The following IGDCC4 variants were observed in gnomAD, a reference collection of about 807,000 sequenced individuals.
IGDCC4 encodes immunoglobulin superfamily DCC subclass member 4.
In IGDCC4, 72 loss-of-function variants were observed where a neutral mutation model predicts 116.6. That is an observed-to-expected ratio of 0.62 (90% CI 0.51 to 0.75). The LOEUF is 0.75. Among genes scored for constraint, IGDCC4 ranks in the 30% least tolerant of loss-of-function variants. The pLI is 0.00. For missense variants in IGDCC4, 1,501 were observed against 1,662.4 expected (o/e 0.90, Z 1.69); for synonymous variants, 709 against 719.9 (o/e 0.98, Z 0.24).
intron 3 of IGDCC4, among the ~76,000 whole-genome samples, chr15:65,408,084 T>A (rs1372295411): frequency 1.3e-5 from 2 of 152,194 alleles, no homozygotes; most frequent in East Asian, 3.8e-4. Context: ...ATATGAATTT[T>A]AAAAATGCAT....
chr15:65,398,553 A>AAAAG lies in IGDCC4; in HGVS notation c.842-1568_842-1565dup, dbSNP rs1190685417. Among the ~76,000 whole-genome samples the AAAAG allele has an allele frequency of 4.8e-3, 601 of 124,172 alleles. 9 individuals carry two copies. The highest frequency in any genetic ancestry group is 8.6e-3 in the East Asian group (34 of 3,942). The allele number at this position is 124,172 out of a possible 152,430, so 81.5% of individuals were successfully genotyped here. A position where few individuals can be genotyped will look rare whatever the true frequency, so the allele number is the denominator to read the frequency against. On this transcript the variant is annotated intron_variant, in intron 5 of 19. Transcript: ENST00000352385. ...CATCTCAAAAAAAAAAAAAAAAAAAAAAAGAAAGAAAAGAAAAGAGAGAGA... is the reference window on the plus strand; with the variant it reads ...CATCTCAAAAAAAAAAAAAAAAAAAAAAAGAAAGAAAGAAAAGAAAAGAGAGAGA...
chr15:65,396,320 C>T (rs1398474433), intron 6 of IGDCC4, 157 bp from the exon 7 acceptor site: 4 of 808,088 alleles, frequency 4.9e-6, no homozygotes, highest in South Asian at 2.9e-5. Context: ...TACTCCGGCT[C>T]AGCGCAGACC....
intron 5 of IGDCC4, among the ~76,000 whole-genome samples, chr15:65,397,472 G>A (rs1293133497): frequency 6.6e-6 from 1 of 152,174 alleles, no homozygotes; most frequent in African/African-American, 2.4e-5. Flanking sequence ...ATCTAGAGAA[G>A]CAATGCAAAT....
At chr15:65,387,249 A>G (rs923746654) in intron 16 of IGDCC4, among the ~76,000 whole-genome samples, 4 of 151,070 alleles carry the variant, frequency 2.6e-5, no homozygotes, top group Non-Finnish European at 4.4e-5. Context: ...CTGGTCTCCA[A>G]CTCCTGGCCT....
chr15:65,385,698 G>A, intron 18 of IGDCC4, 133 bp downstream of exon 18: 4 of 775,176 alleles, frequency 5.2e-6, no homozygotes, highest in Non-Finnish European at 9.2e-6. Context: ...CCGTGGAGGA[G>A]GGAGAGAGGC....
At chr15:65,388,768 G>C in intron 15 of IGDCC4, 40 bp downstream of exon 15, 1 of 1,612,870 alleles carries the variant, frequency 6.2e-7, no homozygotes, top group Non-Finnish European at 8.5e-7. Context: ...GGAGAGGCTG[G>C]GAAGCTCTTG....
intron 1 of IGDCC4, among the ~76,000 whole-genome samples, chr15:65,413,758 C>A (rs923932976): frequency 1.3e-5 from 2 of 152,220 alleles, no homozygotes; most frequent in Non-Finnish European, 2.9e-5. Context: ...GGCCCATACT[C>A]ATCACAAGGC....
At chr15:65,417,510 G>C (rs569904620) in intron 1 of IGDCC4, among the ~76,000 whole-genome samples, 1 of 152,324 alleles carries the variant, frequency 6.6e-6, no homozygotes, top group South Asian at 2.1e-4. Context: ...CCCTAGAACA[G>C]CTGTGATGTC....
At chr15:65,396,216 G>GCCCCCCCCCCCCCCC in intron 6 of IGDCC4, 53 bp from the exon 7 acceptor site, 1 of 1,188,160 alleles carries the variant, frequency 8.4e-7, no homozygotes, top group Non-Finnish European at 1.1e-6. Flanking sequence ...TAAGGTCTCT[G>GCCCCCCCCCCCCCCC]CCCCCCCCCC....
chr15:65,422,207 G>A (rs1223531991), intron 1 of IGDCC4, among the ~76,000 whole-genome samples: 2 of 152,018 alleles, frequency 1.3e-5, no homozygotes, highest in Non-Finnish European at 2.9e-5. Context: ...AAAGTTGAGT[G>A]TTGTTTTATC....
chr15:65,412,945 A>G (rs145335539), intron 1 of IGDCC4, among the ~76,000 whole-genome samples: 1 of 50,450 alleles, frequency 2.0e-5, no homozygotes, highest in African/African-American at 1.2e-4. Flanking sequence ...CTCTCTCTGT[A>G]CACACACACA....
chr15:65,399,447 CAAAAAAA>C (rs112040935), intron 5 of IGDCC4, among the ~76,000 whole-genome samples: 882 of 71,208 alleles, frequency 0.012, 15 homozygotes, highest in African/African-American at 0.035. Context: ...GGGTGACAGG[CAAAAAAA>C]AAAAAAAAAA....
At chr15:65,418,371 G>C (rs577876312) in intron 1 of IGDCC4, among the ~76,000 whole-genome samples, 2 of 152,248 alleles carry the variant, frequency 1.3e-5, no homozygotes, top group Non-Finnish European at 2.9e-5. Flanking sequence ...GTCTCTCCCA[G>C]TACTTTCTGC....
intron 3 of IGDCC4, among the ~76,000 whole-genome samples, chr15:65,407,801 AT>A (rs34355872): frequency 1.6e-3 from 230 of 142,664 alleles, no homozygotes; most frequent in Non-Finnish European, 1.7e-3. Context: ...TAATTTTTGT[AT>A]TTTTTTTTTT....
At chr15:65,405,015 G>A (rs1362614332) in intron 3 of IGDCC4, among the ~76,000 whole-genome samples, 1 of 151,890 alleles carries the variant, frequency 6.6e-6, no homozygotes, top group Non-Finnish European at 1.5e-5. Context: ...TTGTGCCACC[G>A]CACTCCAACC....
chr15:65,393,926 C>T lies in IGDCC4; in HGVS notation c.1715-395G>A, dbSNP rs889537276. ...CCACCATGGCCACTTCCTCACCCTT[C>T]CCTCCTTCCTCACCTTTCCCTCCTT... On this transcript the variant is annotated intron_variant, in intron 9 of 19. Coordinates refer to ENST00000352385, the MANE Select transcript of IGDCC4 (RefSeq NM_020962.3). This position sits in a 1 kb window ranked among gnomAD's most constrained non-coding sequence, Gnocchi z 4.6. Among the ~76,000 whole-genome samples the T allele has an allele frequency of 6.6e-6, 1 of 152,206 alleles. No homozygotes were observed. Among genetic ancestry groups the T allele is most frequent in the Non-Finnish European group, 1.5e-5 (1 of 68,028 alleles).
intron 5 of IGDCC4, among the ~76,000 whole-genome samples, chr15:65,399,661 A>T (rs763594748): frequency 6.6e-6 from 1 of 152,152 alleles, no homozygotes; most frequent in Non-Finnish European, 1.5e-5. Context: ...CACAGGTCCA[A>T]TGAGGCAGTG....
chr15:65,416,869 G>T (rs2063149914), intron 1 of IGDCC4, among the ~76,000 whole-genome samples: 1 of 152,200 alleles, frequency 6.6e-6, no homozygotes, highest in East Asian at 1.9e-4. Context: ...ATTTTATGAG[G>T]CCAATTAGAA....
intron 12 of IGDCC4, among the ~76,000 whole-genome samples, chr15:65,391,234 GA>G (rs907840505): frequency 2.3e-4 from 34 of 151,042 alleles, no homozygotes; most frequent in African/African-American, 7.3e-4. Context: ...TGTCTCAAAA[GA>G]AAAAAAAAGA....
Sources: allele counts gnomAD v4.1 joint callset (sites outside exome capture counted in the v4.1 genomes callset), GRCh38; gene constraint gnomAD v4.1.1; non-coding constraint Gnocchi (gnomAD v3.1); transcripts MANE v1.5; gene names NCBI Gene and HGNC (gene_info 2026-07-23, HGNC 2026-07-21).